MYO16: variants seen among roughly 807,000 people sequenced by gnomAD.
The protein encoded by MYO16 is myosin XVI.
In MYO16, 94 loss-of-function variants were observed where a neutral mutation model predicts 205.3. The observed-to-expected ratio is 0.46, with a 90% confidence interval of 0.39 to 0.54. MYO16 has a LOEUF of 0.54. Ranked by LOEUF, MYO16 falls within the 20% of genes least tolerant of loss-of-function variation. MYO16 has a pLI of 0.00. For missense variants in MYO16, 2,315 were observed against 2,387.5 expected (o/e 0.97, Z 0.63); for synonymous variants, 988 against 954.0 (o/e 1.04, Z -0.66).
At chr13:109,011,019 C>G (rs1346805030) in intron 22 of MYO16, among the ~76,000 whole-genome samples, 1 of 146,482 alleles carries the variant, frequency 6.8e-6, no homozygotes, top group Non-Finnish European at 1.5e-5. Context: ...CATGGGGGCC[C>G]CCGGCCACTC....
intron 1 of MYO16, among the ~76,000 whole-genome samples, chr13:108,635,077 G>GT (rs1237035781): frequency 2.6e-5 from 4 of 152,142 alleles, no homozygotes; most frequent in African/African-American, 9.7e-5. Context: ...AAGACATTCT[G>GT]TTTAAGTATT....
At chr13:109,117,092 A>T (rs557045609) in intron 28 of MYO16, among the ~76,000 whole-genome samples, 7 of 151,684 alleles carry the variant, frequency 4.6e-5, no homozygotes, top group Non-Finnish European at 1.0e-4. Context: ...TATTTCCTCC[A>T]TGACTTATTC....
At chr13:109,095,418 G>A (rs7997829) in intron 27 of MYO16, among the ~76,000 whole-genome samples, 31,350 of 152,106 alleles carry the variant, frequency 0.21, 3,426 homozygotes, top group East Asian at 0.42. Flanking sequence ...GCTCAGGAAT[G>A]GAATGTGACC....
chr13:109,015,362 G>T (rs1473538180), intron 22 of MYO16, among the ~76,000 whole-genome samples: 2 of 152,100 alleles, frequency 1.3e-5, no homozygotes, highest in Non-Finnish European at 2.9e-5. Flanking sequence ...GATTAGGTTT[G>T]CCAGTATTTT....
chr13:108,810,277 ACGC>A (rs1887248951), intron 7 of MYO16, among the ~76,000 whole-genome samples: 1 of 152,188 alleles, frequency 6.6e-6, no homozygotes, highest in Admixed American at 6.5e-5. Context: ...ACTGGAATGC[ACGC>A]TTCAGAATGA....
At chr13:109,175,480 G>A (rs1879127233) in intron 33 of MYO16, among the ~76,000 whole-genome samples, 1 of 152,158 alleles carries the variant, frequency 6.6e-6, no homozygotes, top group South Asian at 2.1e-4. Flanking sequence ...AGAAGAGCTG[G>A]CTATCTGGAG....
chr13:109,027,806 G>A (rs1886413743), intron 23 of MYO16, among the ~76,000 whole-genome samples: 1 of 152,122 alleles, frequency 6.6e-6, no homozygotes, highest in African/African-American at 2.4e-5. Context: ...AAGGTCTTCA[G>A]TGCAGGAATA....
At chr13:108,662,923 C>T (rs1209741461) in intron 1 of MYO16, among the ~76,000 whole-genome samples, 1 of 152,168 alleles carries the variant, frequency 6.6e-6, no homozygotes, top group Non-Finnish European at 1.5e-5. Flanking sequence ...GCTCCCAGGA[C>T]CTTTCTGCTG....
Position 109,039,818 on chromosome 13 carries a change from AATGGAAACCG to A in MYO16, c.2797-7094_2797-7085del, listed in dbSNP as rs1156898325. Among the ~76,000 whole-genome samples the A allele has an allele frequency of 2.0e-5, 3 of 152,200 alleles. No homozygotes were observed. In the East Asian group the frequency reaches 5.8e-4, roughly 29 times the overall value. On this transcript the variant is annotated intron_variant, in intron 23 of 34. Transcript: ENST00000457511. ...GGAGCAAAATAAACCACAGTAAGCA[AATGGAAACCG>A]ATGACAAAAAAGCAGAAATCAATGG... is the stretch of plus-strand genomic sequence containing the variant.
chr13:109,008,962 G>A lies in MYO16; in HGVS notation c.2508G>A (p.Glu836=), dbSNP rs1885500092. The A allele has an allele frequency of 6.2e-7, 1 of 1,613,184 alleles. No homozygotes were observed. Among genetic ancestry groups the A allele is most frequent in the African/African-American group, 1.3e-5 (1 of 74,910 alleles). ...TCAATGAAGTGCTTTTTCTCCACGAGCAAGTGGAATGTGTACAAGAGGGAG... is the reference window on the plus strand; with the variant it reads ...TCAATGAAGTGCTTTTTCTCCACGAACAAGTGGAATGTGTACAAGAGGGAG... ...HYINEVLFLH[E]QVECVQEGVT... The change falls in exon 22 of 35, where the codon GAG becomes GAA. Residue 836 remains glutamate, a synonymous_variant. Coordinates refer to ENST00000457511, the MANE Select transcript of MYO16 (RefSeq NM_001198950.3).
Position 109,140,387 on chromosome 13 carries a change from G to T in MYO16, c.4175G>T (p.Arg1392Leu). 6.3e-7 allele frequency: 1 copy of T among 1,596,812 alleles called. No individual in the cohort carries two copies. ...TCCTACGAGGAGATATCGGGGTCCCGGCCCGGGGACGCGAGGCCCGCGGGC... is the reference window on the plus strand; with the variant it reads ...TCCTACGAGGAGATATCGGGGTCCCTGCCCGGGGACGCGAGGCCCGCGGGC... ...SGSYEEISGS[R>L]PGDARPAGAP... is the part of the protein sequence containing the mutation. Residue 1392 changes from arginine to leucine, a missense_variant, in exon 32 of 35, where the codon CGG becomes CTG. Coordinates refer to ENST00000457511, the MANE Select transcript of MYO16 (RefSeq NM_001198950.3). The surrounding 1 kb of genome is among the most constrained non-coding windows in gnomAD (Gnocchi z 8.0).
intron 33 of MYO16, 33 bp downstream of exon 33, chr13:109,165,092 C>G (rs750241626): frequency 2.0e-5 from 31 of 1,536,230 alleles, no homozygotes; most frequent in Non-Finnish European, 2.7e-5. Flanking sequence ...AGTAAATGTA[C>G]AAAAGTTTTA....
chr13:109,096,319 G>T (rs978934486), intron 27 of MYO16, among the ~76,000 whole-genome samples: 4 of 152,142 alleles, frequency 2.6e-5, no homozygotes, highest in Non-Finnish European at 5.9e-5. Flanking sequence ...GTGGCCCTCT[G>T]CTCTGTGTCT....
At chr13:109,146,817 A>G (rs1032669229) in intron 32 of MYO16, among the ~76,000 whole-genome samples, 5 of 152,028 alleles carry the variant, frequency 3.3e-5, no homozygotes, top group Admixed American at 3.3e-4. Flanking sequence ...AGAAGAGAGA[A>G]AGAAAGAAAG....
chr13:109,194,110 T>C (rs775380600), intron 34 of MYO16, among the ~76,000 whole-genome samples: 2 of 152,180 alleles, frequency 1.3e-5, no homozygotes, highest in Non-Finnish European at 2.9e-5. Context: ...TGTCTAAGCA[T>C]CTTTATTCAT....
At chr13:108,839,356 C>T (rs1005552000) in intron 9 of MYO16, among the ~76,000 whole-genome samples, 9 of 152,134 alleles carry the variant, frequency 5.9e-5, no homozygotes, top group African/African-American at 2.2e-4. Flanking sequence ...CAAATCACAG[C>T]AGTATCAAGC....
chr13:108,580,891 A>T, the MYO16 span, among the ~76,000 whole-genome samples: 1 of 152,226 alleles, frequency 6.6e-6, no homozygotes, highest in South Asian at 2.1e-4. Context: ...ACATATATAA[A>T]TACATGTAAC....
intron 16 of MYO16, among the ~76,000 whole-genome samples, chr13:108,919,362 C>T (rs1387932567): frequency 1.3e-5 from 2 of 152,252 alleles, no homozygotes; most frequent in African/African-American, 4.8e-5. Context: ...TTCAATTTAA[C>T]TATAAAACCT....
chr13:108,852,179 G>A (rs547860730), intron 10 of MYO16, among the ~76,000 whole-genome samples: 57 of 152,150 alleles, frequency 3.7e-4, no homozygotes, highest in Admixed American at 3.1e-3. Flanking sequence ...TTCCCTTCAC[G>A]TACATTTTGT....
Sources: gnomAD v4.1 joint callset for allele counts (sites outside exome capture counted in the v4.1 genomes callset) on GRCh38, gnomAD v4.1.1 for gene constraint, Gnocchi (gnomAD v3.1) non-coding constraint, MANE v1.5 for transcripts, NCBI Gene and HGNC (gene_info 2026-07-23, HGNC 2026-07-21) for gene names.